Variants in CYTH4 observed in about 807,000 individuals in gnomAD.
CYTH4 encodes the protein cytohesin 4.
A neutral mutation model predicts 57.5 loss-of-function variants in CYTH4; 22 were observed. The ratio of observed to expected loss-of-function variants is 0.38; its 90% confidence interval spans 0.27 to 0.55. The LOEUF (loss-of-function observed/expected upper bound fraction) is 0.55, where lower values mean the gene tolerates loss of function less well. Ranked by LOEUF, CYTH4 falls within the 20% of genes least tolerant of loss-of-function variation. The pLI, the probability that CYTH4 is intolerant of heterozygous loss-of-function variation, is 0.74. For synonymous variants in CYTH4, 186 were observed against 206.5 expected (o/e 0.90, Z 0.85); for missense variants, 420 against 535.6 (o/e 0.78, Z 2.13).
chr22:37,312,329 C>T (rs1253181433), intron 12 of CYTH4, among the ~76,000 whole-genome samples, 155 bp downstream of exon 12: 1 of 152,236 alleles, frequency 6.6e-6, no homozygotes, highest in African/African-American at 2.4e-5. Context: ...TCCATGGGTA[C>T]TTTCTGTGTG....
chr22:37,303,525 T>C (rs1193591255), intron 8 of CYTH4, 123 bp downstream of exon 8: 1 of 1,329,158 alleles, frequency 7.5e-7, no homozygotes, highest in Admixed American at 3.0e-5. Context: ...TCTGCTGATA[T>C]GGCCCACCCA....
intron 8 of CYTH4, among the ~76,000 whole-genome samples, chr22:37,308,474 ATG>A (rs1364294007): frequency 3.3e-5 from 5 of 150,464 alleles, no homozygotes; most frequent in African/African-American, 9.8e-5. Flanking sequence ...GTGTGTGTGT[ATG>A]TGTGTACGTG....
Position 37,294,601 on chromosome 22 carries a change from C to T in CYTH4, c.103-59C>T, listed in dbSNP as rs1311857629. On this transcript the variant is annotated intron_variant, in intron 2 of 12. Transcript: ENST00000248901. ...TAGGAGTGGTCCTTGTGGTCTCAAA[C>T]CCCCGGGGTTCTGGCCTCCACCCCT... The T allele has an allele frequency of 1.2e-5, 19 of 1,596,938 alleles. No individual in the cohort carries two copies. The Admixed American group carries it at 2.9e-4, about 24-fold the overall frequency.
Position 37,282,508 on chromosome 22 carries a change from G to A in CYTH4, c.-62G>A, listed in dbSNP as rs191085522. 2.4e-4 allele frequency: 389 copies of A among 1,611,126 alleles called. No individual in the cohort carries two copies. In the African/African-American group the frequency reaches 3.6e-3, roughly 15 times the overall value. On this transcript the variant is annotated 5_prime_UTR_variant, in exon 1 of 13. Transcript: ENST00000248901. The stretch of plus-strand genomic sequence containing the variant: ...TGACGCATCCTTGCCGGGCCAGCCC[G>A]AACAGCAGCTGGGTCGGCAAGCGAC...
Position 37,314,644 on chromosome 22 carries a change from G to C in CYTH4, c.*1133G>C. ...CCTCTGCAGAAGTATTATCAGAGTAGAGCTGACTTCCAGTACCCGGGCAGC... is the reference window on the plus strand; with the variant it reads ...CCTCTGCAGAAGTATTATCAGAGTACAGCTGACTTCCAGTACCCGGGCAGC... On this transcript the variant is annotated 3_prime_UTR_variant, in exon 13 of 13. Transcript: ENST00000248901. The C allele has an allele frequency of 2.6e-6, 1 of 384,792 alleles. No homozygotes were observed. Among genetic ancestry groups the C allele is most frequent in the Non-Finnish European group, 4.6e-6 (1 of 217,754 alleles). The allele number at this position is 384,792 out of a possible 1,614,324, so 23.8% of individuals were successfully genotyped here. A position where few individuals can be genotyped will look rare whatever the true frequency, so the allele number is the denominator to read the frequency against.
In CYTH4 at chr22:37,300,894, G is replaced by A. The variant is rs537766550; in HGVS notation, c.435-13G>A. The A allele has an allele frequency of 1.4e-5, 22 of 1,612,430 alleles. No homozygotes were observed. Among genetic ancestry groups the A allele is most frequent in the East Asian group, 2.2e-5 (1 of 44,820 alleles). ...CACCCACTCCACTGCCCGTGGCCCC[G>A]TTTCTCCCCCAGGCAGTTCCTGTGG... On this transcript the variant is annotated splice_polypyrimidine_tract_variant and intron_variant, in intron 6 of 12. Coordinates refer to ENST00000248901, the MANE Select transcript of CYTH4 (RefSeq NM_013385.5).
At chr22:37,296,965 G>A (rs1928993973) in intron 4 of CYTH4, among the ~76,000 whole-genome samples, 1 of 152,186 alleles carries the variant, frequency 6.6e-6, no homozygotes, top group South Asian at 2.1e-4. Flanking sequence ...CCTTGGTGGT[G>A]AGGAGAGGTG....
At chr22:37,297,531 C>T in intron 4 of CYTH4, 33 bp from the exon 5 acceptor site, 1 of 1,592,560 alleles carries the variant, frequency 6.3e-7, no homozygotes, top group Non-Finnish European at 8.6e-7. Flanking sequence ...TTCCATGCAG[C>T]AGCTGCTCAC....
At chr22:37,292,802 T>C in intron 2 of CYTH4, 99 bp downstream of exon 2, 1 of 1,241,910 alleles carries the variant, frequency 8.1e-7, no homozygotes, top group Non-Finnish European at 1.1e-6. Flanking sequence ...CAACAGACAG[T>C]GTGGCCAACT....
intron 2 of CYTH4, 23 bp from the exon 3 acceptor site, chr22:37,294,637 G>A (rs1457415753): frequency 6.2e-7 from 1 of 1,613,418 alleles, no homozygotes; most frequent in Non-Finnish European, 8.5e-7. Flanking sequence ...GACTCTCCCT[G>A]TCCTGCCCCT....
chr22:37,296,451 G>A (rs1033809486), intron 4 of CYTH4: 1 of 215,846 alleles, frequency 4.6e-6, no homozygotes, highest in Non-Finnish European at 9.5e-6. Context: ...CAGTCCTGCG[G>A]TCCCACCACC....
intron 7 of CYTH4, 137 bp from the exon 8 acceptor site, chr22:37,303,116 TG>T: frequency 7.8e-7 from 1 of 1,276,282 alleles, no homozygotes; most frequent in Non-Finnish European, 1.1e-6. Flanking sequence ...GAGAGGAGGC[TG>T]GGCCTCAAAG....
In CYTH4 at chr22:37,308,626, ATGTC is replaced by A. The variant is rs370448292; in HGVS notation, c.697-582_697-579del. Among the ~76,000 whole-genome samples the A allele has an allele frequency of 8.2e-3, 1,233 of 150,874 alleles. 8 individuals carry two copies. Among genetic ancestry groups the A allele is most frequent in the African/African-American group, 0.026 (1,075 of 41,030 alleles). On this transcript the variant is annotated intron_variant, in intron 8 of 12. Transcript: ENST00000248901. ...TGCATGTATGTGTGCATAAGCATGC[ATGTC>A]TGTGTGAGTATGCATGTATGTGTGC...
Position 37,292,636 on chromosome 22 carries a change from G to A in CYTH4, c.35G>A (p.Ser12Asn). ...DLCHPEPAEL[S>N]SGETEELQRI... ...CTCTCTGTAGAGCCCGCGGAGCTGAGCAGCGGGGAGACGGAAGAGTTACAG... is the reference window on the plus strand; with the variant it reads ...CTCTCTGTAGAGCCCGCGGAGCTGAACAGCGGGGAGACGGAAGAGTTACAG... The change falls in exon 2 of 13, where the codon AGC becomes AAC. Residue 12 changes from serine to asparagine, a missense_variant. Transcript: ENST00000248901. 6.2e-7 allele frequency: 1 copy of A among 1,613,936 alleles called. No homozygotes were observed. Among genetic ancestry groups the A allele is most frequent in the Non-Finnish European group, 8.5e-7 (1 of 1,179,968 alleles).
At chr22:37,299,186 T>G (rs529811528) in intron 5 of CYTH4, 40 bp from the exon 6 acceptor site, 1 of 1,536,804 alleles carries the variant, frequency 6.5e-7, no homozygotes, top group South Asian at 1.1e-5. Flanking sequence ...CCAGCAAGTA[T>G]CCAAGTGTGT....
chr22:37,290,106 C>T (rs931218359), intron 1 of CYTH4, among the ~76,000 whole-genome samples: 2 of 152,162 alleles, frequency 1.3e-5, no homozygotes, highest in African/African-American at 4.8e-5. Context: ...ATGTCCATTC[C>T]AATTCTACAT....
At chr22:37,293,409 C>T (rs529827531) in intron 2 of CYTH4, among the ~76,000 whole-genome samples, 2 of 152,364 alleles carry the variant, frequency 1.3e-5, no homozygotes, top group East Asian at 3.9e-4. Context: ...GATCCCAGCC[C>T]CACCAGACTG....
At position 37,303,363 on chromosome 22, in the gene CYTH4, C is replaced by T; in HGVS notation, c.657C>T (p.Gly219=). Residue 219 remains glycine, a synonymous_variant, in exon 8 of 13, where the codon GGC becomes GGT. Transcript: ENST00000248901. ...AGCGCTTTGTGTCCATGAACCGCGG[C>T]ATCAACAATGGTAGCGACCTGCCCG... ...PFERFVSMNR[G]INNGSDLPED... is the part of the protein sequence containing the mutation. The T allele has an allele frequency of 6.2e-7, 1 of 1,614,106 alleles. No homozygotes were observed. The highest frequency in any genetic ancestry group is 8.5e-7 in the Non-Finnish European group (1 of 1,179,994).
intron 7 of CYTH4, chr22:37,302,093 T>G (rs947767990): frequency 1.8e-5 from 3 of 169,130 alleles, no homozygotes; most frequent in African/African-American, 4.8e-5. Flanking sequence ...ATAAAATGAC[T>G]TGTCTGCGAG....
Sources: allele counts gnomAD v4.1 joint callset (sites outside exome capture counted in the v4.1 genomes callset), GRCh38; gene constraint gnomAD v4.1.1; transcripts MANE v1.5; gene names NCBI Gene and HGNC (gene_info 2026-07-23, HGNC 2026-07-21).